The following MICAL1 variants were observed in gnomAD, a reference collection of about 807,000 sequenced individuals.
MICAL1 encodes the protein microtubule associated monooxygenase, calponin and LIM domain containing 1, also known as [F-actin]-monooxygenase MICAL1.
MICAL1 carries 95 observed loss-of-function variants against 131.8 expected under a neutral mutation model. The ratio of observed to expected loss-of-function variants is 0.72; its 90% confidence interval spans 0.61 to 0.86. The LOEUF is 0.86. MICAL1 is among the 40% of genes least tolerant of loss of function. The pLI, the probability that MICAL1 is intolerant of heterozygous loss-of-function variation, is 0.00. For synonymous variants in MICAL1, 546 were observed against 554.2 expected, an observed-to-expected ratio of 0.99 and a Z score of 0.21; for missense variants, 1,292 against 1,380.6, an observed-to-expected ratio of 0.94 and a Z score of 1.02.
At position 109,448,891 on chromosome 6, in the gene MICAL1, G is replaced by T. The variant is rs1775377920; in HGVS notation, c.1517-12C>A. 1.2e-6 allele frequency: 2 copies of T among 1,612,706 alleles called. No homozygotes were observed. Among genetic ancestry groups the T allele is most frequent in the South Asian group, 2.2e-5 (2 of 91,064 alleles). The stretch of plus-strand genomic sequence containing the variant: ...GGTGCCTGCCGACCCTGGGAAAGAA[G>T]GCTGTGCTGTGCCCAAGGCCCCCTC... On this transcript the variant is annotated splice_polypyrimidine_tract_variant and intron_variant, in intron 11 of 24. Coordinates refer to ENST00000358807, the MANE Select transcript of MICAL1 (RefSeq NM_022765.4).
chr6:109,445,321 T>C, intron 21 of MICAL1, 31 bp from the exon 22 acceptor site: 2 of 1,613,294 alleles, frequency 1.2e-6, no homozygotes, highest in Non-Finnish European at 1.7e-6. Flanking sequence ...TATCCAGGAG[T>C]CTCTAGGTTG....
Position 109,445,397 on chromosome 6 carries a change from G to C in MICAL1, c.2787+19C>G. ...AGAACTTTGACCCCATCAGAATTTT[G>C]GGAACCCCCGGGCTTCACCTGGGCC... is the stretch of plus-strand genomic sequence containing the variant. On this transcript the variant is annotated intron_variant, in intron 21 of 24. Coordinates refer to ENST00000358807, the MANE Select transcript of MICAL1 (RefSeq NM_022765.4). 2 of 1,613,806 alleles carry C rather than the reference G, an allele frequency of 1.2e-6. No homozygotes were observed. The highest frequency in any genetic ancestry group is 1.6e-4 in the Middle Eastern group (1 of 6,062).
chr6:109,462,369 G>A (rs533081181), intron 1 of MICAL1, among the ~76,000 whole-genome samples: 1 of 152,298 alleles, frequency 6.6e-6, no homozygotes, highest in East Asian at 1.9e-4. Flanking sequence ...GAACAGAGGG[G>A]ACTGGAGTCC....
In MICAL1 at chr6:109,454,020, G is replaced by A. The variant is rs775831809; in HGVS notation, c.177C>T (p.Ser59=). ...CCAGCTTGGTCCACAGTGACTTGGCGCTCCAGTAGTTGAGCTGGTCCTTGA... is the reference window on the plus strand; with the variant it reads ...CCAGCTTGGTCCACAGTGACTTGGCACTCCAGTAGTTGAGCTGGTCCTTGA... ...HKIKDQLNYW[S]AKSLWTKLDK... is the part of the protein sequence containing the mutation. Residue 59 remains serine (S), a synonymous_variant, in exon 2 of 25, where the codon AGC becomes AGT. Coordinates refer to ENST00000358807, the MANE Select transcript of MICAL1 (RefSeq NM_022765.4). 9.3e-6 allele frequency: 15 copies of A among 1,614,022 alleles called. No homozygotes were observed. The East Asian group carries it at 2.0e-4, about 22-fold the overall frequency.
rs750899673 is a variant in MICAL1 at position 109,446,447 on chromosome 6, G to C, written c.2305-35C>G. 1.3e-5 allele frequency: 8 copies of C among 606,148 alleles called. No homozygotes were observed. The South Asian group carries it at 1.8e-4, about 14-fold the overall frequency. 37.5% of individuals were successfully genotyped at this position (606,148 alleles called of 1,614,324 possible). ...CCACCATGTGGAGTGAGGTCGGGGG[G>C]TGAGGCCACCCCTTCGGAGCAAAGG... On this transcript the variant is annotated intron_variant, in intron 18 of 24. Coordinates refer to ENST00000358807, the MANE Select transcript of MICAL1 (RefSeq NM_022765.4).
chr6:109,449,836 C>T, intron 9 of MICAL1, 53 bp from the exon 10 acceptor site: 1 of 1,587,340 alleles, frequency 6.3e-7, no homozygotes, highest in East Asian at 2.2e-5. Flanking sequence ...CACCTGTCAG[C>T]ACCCACCTCT....
intron 22 of MICAL1, 47 bp from the exon 23 acceptor site, chr6:109,445,042 G>C: frequency 6.2e-7 from 1 of 1,600,940 alleles, no homozygotes; most frequent in Non-Finnish European, 8.5e-7. Flanking sequence ...CTTCCAGCCA[G>C]CACCACAGGA....
Position 109,465,959 on chromosome 6 carries a change from T to C in MICAL1, c.-282A>G, listed in dbSNP as rs777970263. The C allele has an allele frequency of 6.2e-6, 10 of 1,614,082 alleles. No individual in the cohort carries two copies. In the African/African-American group the frequency reaches 1.1e-4, roughly 17 times the overall value. On this transcript the variant is annotated 5_prime_UTR_variant, in exon 1 of 25. Coordinates refer to the MICAL1 transcript ENST00000630715. ...GGTGCTGAGCTGGATCTGAAGTACT[T>C]GTAGCTAAATGGAGCTCCTCTGTTT...
chr6:109,456,071 C>A, upstream of MICAL1: 8 of 974,964 alleles, frequency 8.2e-6, no homozygotes, highest in Non-Finnish European at 9.8e-6. Context: ...GTGGGTCTGG[C>A]CTGTTGGGGG....
chr6:109,444,315 C>T lies in MICAL1; in HGVS notation c.3080G>A (p.Arg1027Gln), dbSNP rs769783667. ...CCTCAGGACCTGGTCCTCAGCCTGC[C>T]GATCAGCAGCTGTCTTTAGGTTTTC... ...REENLKTAAD[R>Q]QAEDQVLRKL... Residue 1027 changes from arginine (R) to glutamine (Q), a missense_variant, in exon 25 of 25, where the codon CGG becomes CAG. Arg to Gln is a conservative substitution (Grantham distance 43). Coordinates refer to ENST00000358807, the MANE Select transcript of MICAL1 (RefSeq NM_022765.4). 20 of 1,613,396 alleles carry T rather than the reference C, an allele frequency of 1.2e-5. No individual in the cohort carries two copies. Among genetic ancestry groups the T allele is most frequent in the Non-Finnish European group, 1.7e-5 (20 of 1,180,022 alleles).
chr6:109,462,276 T>C (rs79706132), intron 1 of MICAL1, among the ~76,000 whole-genome samples: 71 of 152,282 alleles, frequency 4.7e-4, no homozygotes, highest in East Asian at 4.2e-3. Context: ...CACTGACACG[T>C]TGATCTTGGA....
chr6:109,446,307 G>A lies in MICAL1; in HGVS notation c.2410C>T (p.Arg804Trp), dbSNP rs748384478. ...TCCGGGCTGGAGAGGCGGATCTGCC[G>A]ACGGGTGGGCTGGCTGGGATCTGGA... Reference protein sequence around the residue: ...PVPDPSQPTRRQIRLSSPERQ... With the variant: ...PVPDPSQPTRWQIRLSSPERQ... The change falls in exon 19 of 25, where the codon CGG becomes TGG. Residue 804 changes from arginine to tryptophan, a missense_variant. Arg to Trp is a moderately radical substitution (Grantham distance 101). Transcript: ENST00000358807. 69 of 1,614,058 alleles carry A rather than the reference G, an allele frequency of 4.3e-5. No homozygotes were observed. The Middle Eastern group carries it at 6.6e-4, about 15-fold the overall frequency.
At chr6:109,460,270 CGTAG>C (rs1244616285), upstream of MICAL1, among the ~76,000 whole-genome samples, 1 of 151,354 alleles carries the variant, frequency 6.6e-6, no homozygotes, top group Non-Finnish European at 1.5e-5. Context: ...GCCTGGGTAA[CGTAG>C]TGAGACCTTG....
upstream of MICAL1, chr6:109,455,939 C>T (rs546732258): frequency 2.1e-3 from 2,031 of 985,494 alleles, 1 homozygote; most frequent in Non-Finnish European, 2.4e-3. This position sits in a 1 kb window ranked among gnomAD's most constrained non-coding sequence, Gnocchi z 4.7. Context: ...TCATTAGCAT[C>T]TCATTACTTC....
chr6:109,459,444 A>C (rs1319673746), upstream of MICAL1, among the ~76,000 whole-genome samples: 1 of 152,194 alleles, frequency 6.6e-6, no homozygotes, highest in Non-Finnish European at 1.5e-5. Flanking sequence ...AAACTGACAT[A>C]ACATGGCCAT....
Position 109,450,272 on chromosome 6 carries a change from AAACCCCTGTGCCTCCTG to A in MICAL1, c.1191+11_1191+27del. On this transcript the variant is annotated intron_variant, in intron 8 of 24. Transcript: ENST00000358807. ...TAGGCAGCTCCCTCCCCTAACCATGAAACCCCTGTGCCTCCTGAACCCCTCACCTCCACCAGGCAGTC... is the reference window on the plus strand; with the variant it reads ...TAGGCAGCTCCCTCCCCTAACCATGAAACCCCTCACCTCCACCAGGCAGTC... 6.3e-7 allele frequency: 1 copy of A among 1,592,356 alleles called. No homozygotes were observed. The highest frequency in any genetic ancestry group is 8.6e-7 in the Non-Finnish European group (1 of 1,164,526).
Position 109,454,565 on chromosome 6 carries a change from T to A in MICAL1, c.-43-326A>T, listed in dbSNP as rs1775672153. 8.8e-6 allele frequency: 3 copies of A among 341,452 alleles called. No individual in the cohort carries two copies. In the South Asian group the frequency reaches 9.6e-5, roughly 11 times the overall value. The allele number at this position is 341,452 out of a possible 1,614,324, so 21.2% of individuals were successfully genotyped here. ...GGTAGGAATTCTTAGCCTGCCTTCC[T>A]TAGGCCTTGGAATCAGGGTGTGCGG... is the stretch of plus-strand genomic sequence containing the variant. On this transcript the variant is annotated intron_variant, in intron 1 of 24. Coordinates refer to ENST00000358807, the MANE Select transcript of MICAL1 (RefSeq NM_022765.4).
rs1170402030 is a variant in MICAL1, at chr6:109,447,964, C to G, written c.1856-1G>C. 6.2e-7 allele frequency: 1 copy of G among 1,604,198 alleles called. No homozygotes were observed. The highest frequency in any genetic ancestry group is 1.3e-5 in the African/African-American group (1 of 74,772). On this transcript the variant is annotated splice_acceptor_variant, in intron 13 of 24. Transcript: ENST00000358807. LOFTEE classifies it high-confidence loss of function. ...CCTGGGGAGGCCTGGCTGACAGGGC[C>G]TGCGGGGAGAGCCAGGGCATCAGTG...
At chr6:109,453,452 C>T in intron 3 of MICAL1, 85 bp from the exon 4 acceptor site, 2 of 1,535,504 alleles carry the variant, frequency 1.3e-6, no homozygotes, top group Admixed American at 1.8e-5. Flanking sequence ...CAGGGTCAGA[C>T]TGGAAAAGGC....
Sources: allele counts gnomAD v4.1 joint callset (sites outside exome capture counted in the v4.1 genomes callset), GRCh38; gene constraint gnomAD v4.1.1; non-coding constraint Gnocchi (gnomAD v3.1); transcripts MANE v1.5; gene names NCBI Gene and HGNC (gene_info 2026-07-23, HGNC 2026-07-21).